The following CDYL2 variants were observed in gnomAD, a reference collection of about 807,000 sequenced individuals.
CDYL2 encodes chromodomain Y like 2, also known as chromodomain Y-like protein 2.
CDYL2 carries 23 observed loss-of-function variants against 49.4 expected under a neutral mutation model. The observed-to-expected ratio is 0.47, with a 90% CI of 0.34 to 0.66. The LOEUF (loss-of-function observed/expected upper bound fraction) is 0.66, where lower values mean the gene tolerates loss of function less well. Ranked by LOEUF, CDYL2 falls within the 30% of genes least tolerant of loss-of-function variation. The pLI, the probability that CDYL2 is intolerant of heterozygous loss-of-function variation, is 0.01. For missense variants in CDYL2, 678 were observed against 656.4 expected, an observed-to-expected ratio of 1.03 and a Z score of -0.36; for synonymous variants, 360 against 268.8, an observed-to-expected ratio of 1.34 and a Z score of -3.32.
intron 3 of CDYL2, among the ~76,000 whole-genome samples, chr16:80,631,572 ATTTG>A (rs752019204): frequency 2.0e-5 from 3 of 152,246 alleles, no homozygotes; most frequent in East Asian, 1.9e-4. Flanking sequence ...AAATTTAAAA[ATTTG>A]TTTGTCATAG....
At chr16:80,706,734 A>G (rs1364664680) in intron 1 of CDYL2, among the ~76,000 whole-genome samples, 3 of 152,232 alleles carry the variant, frequency 2.0e-5, no homozygotes, top group Non-Finnish European at 4.4e-5. Flanking sequence ...ACAAAGAGGA[A>G]GAAACAAAGG....
intron 1 of CDYL2, among the ~76,000 whole-genome samples, chr16:80,688,533 AC>A (rs1910289000): frequency 1.3e-5 from 2 of 152,106 alleles, no homozygotes; most frequent in Admixed American, 6.6e-5. Flanking sequence ...ACATTGTTTC[AC>A]CCCCAATTTA....
intron 4 of CDYL2, among the ~76,000 whole-genome samples, chr16:80,616,756 C>G (rs1906844122): frequency 6.6e-6 from 1 of 152,228 alleles, no homozygotes; most frequent in South Asian, 2.1e-4. Context: ...GTAGTGACAA[C>G]AACCATAATA....
chr16:80,609,121 G>A (rs1437204978), intron 5 of CDYL2, among the ~76,000 whole-genome samples: 2 of 152,176 alleles, frequency 1.3e-5, no homozygotes, highest in Non-Finnish European at 2.9e-5. Flanking sequence ...ACTCCCCAGA[G>A]AATTTCCTTT....
chr16:80,688,927 C>G (rs1910304657), intron 1 of CDYL2, among the ~76,000 whole-genome samples: 1 of 152,178 alleles, frequency 6.6e-6, no homozygotes, highest in Non-Finnish European at 1.5e-5. Context: ...AAACAAAAAA[C>G]AGAGAGCTGG....
chr16:80,665,631 G>GAGGGAAA (rs1458660210), intron 2 of CDYL2, among the ~76,000 whole-genome samples: 30 of 152,224 alleles, frequency 2.0e-4, no homozygotes, highest in African/African-American at 6.5e-4. Flanking sequence ...CAGGAACTCA[G>GAGGGAAA]GACAGACCCT....
chr16:80,612,724 T>C lies in CDYL2; in HGVS notation c.1120A>G (p.Ser374Gly). The C allele has an allele frequency of 6.2e-7, 1 of 1,613,618 alleles. No individual in the cohort carries two copies. Among genetic ancestry groups the C allele is most frequent in the Non-Finnish European group, 8.5e-7 (1 of 1,179,974 alleles). ...GGCGTCTGGAACCAGGCCTTCTCAC[T>C]GGCCCACACGATGTCACAGAGGGGC... ...ILPLCDIVWASEKAWFQTPYA... is the reference protein window; with the variant it reads ...ILPLCDIVWAGEKAWFQTPYA... The change falls in exon 5 of 7, where the codon AGT becomes GGT. Residue 374 changes from serine to glycine, a missense_variant. By Grantham distance (56) the Ser-to-Gly change is moderately conservative. Coordinates refer to ENST00000570137, the MANE Select transcript of CDYL2 (RefSeq NM_152342.4). This position sits in a 1 kb window ranked among gnomAD's most constrained non-coding sequence, Gnocchi z 5.0.
intron 4 of CDYL2, among the ~76,000 whole-genome samples, chr16:80,620,104 C>G (rs907221644): frequency 1.3e-5 from 2 of 152,234 alleles, no homozygotes; most frequent in East Asian, 3.8e-4. Context: ...TGTAAACCAG[C>G]TAAACAGCCG....
At chr16:80,646,309 A>G (rs1908343406) in intron 2 of CDYL2, among the ~76,000 whole-genome samples, 2 of 152,136 alleles carry the variant, frequency 1.3e-5, no homozygotes, top group African/African-American at 4.8e-5. Context: ...AATAAACTAA[A>G]TCATAACCAG....
intron 1 of CDYL2, among the ~76,000 whole-genome samples, chr16:80,795,155 T>C (rs1907732399): frequency 6.6e-6 from 1 of 152,178 alleles, no homozygotes. Flanking sequence ...AAAAGTTCCC[T>C]GATCAAGAAT....
intron 1 of CDYL2, among the ~76,000 whole-genome samples, chr16:80,782,017 G>C (rs1453816398): frequency 6.6e-6 from 1 of 151,578 alleles, no homozygotes; most frequent in African/African-American, 2.4e-5. Flanking sequence ...TAAACCAAAA[G>C]CTTGTAGAAA....
At chr16:80,755,044 T>C (rs1451281060) in intron 1 of CDYL2, among the ~76,000 whole-genome samples, 1 of 152,170 alleles carries the variant, frequency 6.6e-6, no homozygotes, top group Non-Finnish European at 1.5e-5. Flanking sequence ...CCAAATAGAC[T>C]TGTGCTTAAA....
chr16:80,722,588 G>A (rs1422003987), intron 1 of CDYL2, among the ~76,000 whole-genome samples: 1 of 152,170 alleles, frequency 6.6e-6, no homozygotes, highest in African/African-American at 2.4e-5. Flanking sequence ...GTTTTCTTAG[G>A]CCTATTTTAC....
At chr16:80,761,873 G>A (rs1906542489) in intron 1 of CDYL2, among the ~76,000 whole-genome samples, 3 of 140,488 alleles carry the variant, frequency 2.1e-5, no homozygotes, top group Non-Finnish European at 1.5e-5. Context: ...TCTAATAAAG[G>A]AGAAAATTAA....
intron 2 of CDYL2, among the ~76,000 whole-genome samples, chr16:80,637,718 T>G (rs1907902870): frequency 6.6e-6 from 1 of 152,138 alleles, no homozygotes; most frequent in African/African-American, 2.4e-5. Flanking sequence ...TAACAATAAT[T>G]TATTGTATAT....
chr16:80,625,470 A>C (rs1907260269), intron 3 of CDYL2, among the ~76,000 whole-genome samples: 1 of 152,200 alleles, frequency 6.6e-6, no homozygotes, highest in Non-Finnish European at 1.5e-5. Flanking sequence ...TGGCACCCTT[A>C]ATTGTATATC....
At position 80,618,333 on chromosome 16, in the gene CDYL2, C is replaced by G. The variant is rs1274639307; in HGVS notation, c.1007+2430G>C. 9.2e-5 allele frequency among the ~76,000 whole-genome samples: 14 copies of G among 152,354 alleles called. No homozygotes were observed. In the South Asian group the frequency reaches 2.9e-3, roughly 32 times the overall value. On this transcript the variant is annotated intron_variant, in intron 4 of 6. Transcript: ENST00000570137. ...TCAATCCCATCTGCCTCTGACACCT[C>G]TTTCTCCATGAATTTGGTTCTCAAG...
chr16:80,682,562 A>G (rs1910010083), intron 2 of CDYL2, among the ~76,000 whole-genome samples: 1 of 152,186 alleles, frequency 6.6e-6, no homozygotes, highest in Non-Finnish European at 1.5e-5. Flanking sequence ...TCTCTCCTTC[A>G]CACTGCAGAC....
intron 1 of CDYL2, among the ~76,000 whole-genome samples, chr16:80,726,939 A>C (rs1905181646): frequency 6.6e-6 from 1 of 152,206 alleles, no homozygotes; most frequent in South Asian, 2.1e-4. Context: ...TTTAAAAATT[A>C]GCTAGGCATG....
Sources: gnomAD v4.1 joint callset for allele counts (sites outside exome capture counted in the v4.1 genomes callset) on GRCh38, gnomAD v4.1.1 for gene constraint, Gnocchi (gnomAD v3.1) non-coding constraint, MANE v1.5 for transcripts, NCBI Gene and HGNC (gene_info 2026-07-23, HGNC 2026-07-21) for gene names.